PNPLA3: variants seen among roughly 807,000 people sequenced by gnomAD.
PNPLA3 encodes the protein 1-acylglycerol-3-phosphate O-acyltransferase PNPLA3.
Under a neutral mutation model 43.1 loss-of-function variants are expected in PNPLA3, and 42 were observed. The observed-to-expected ratio is 0.97, with a 90% CI of 0.76 to 1.26. The LOEUF is 1.26. Among genes scored for constraint, PNPLA3 ranks in the 50% most tolerant of loss-of-function variants. The probability of loss-of-function intolerance (pLI) is 0.00; values close to 1 mark genes in which losing one functional copy is unlikely to be tolerated. For synonymous variants in PNPLA3, 272 were observed against 253.6 expected (o/e 1.07, Z -0.69); for missense variants, 647 against 621.4 (o/e 1.04, Z -0.44).
At chr22:43,946,120 C>T (rs575255100) in intron 8 of PNPLA3, 34 bp from the exon 9 acceptor site, 20 of 1,594,370 alleles carry the variant, frequency 1.3e-5, no homozygotes, top group Middle Eastern at 1.7e-4. Flanking sequence ...GCAGCGGGAA[C>T]GGCCTCTAAG....
At chr22:43,936,840 G>A (rs1183307010) in intron 5 of PNPLA3, among the ~76,000 whole-genome samples, 1 of 152,110 alleles carries the variant, frequency 6.6e-6, no homozygotes, top group Non-Finnish European at 1.5e-5. Flanking sequence ...AAGCTAGCAG[G>A]AGCCAAGCTC....
In PNPLA3 at chr22:43,930,987, C is replaced by T. The variant is rs56968095; in HGVS notation, c.487-1891C>T. 7.2e-3 allele frequency among the ~76,000 whole-genome samples: 1,092 copies of T among 151,992 alleles called. 5 individuals are homozygous for T. The highest frequency in any genetic ancestry group is 9.9e-3 in the Admixed American group (152 of 15,286). On this transcript the variant is annotated intron_variant, in intron 3 of 8. Transcript: ENST00000216180. ...AAACATACGAAAAAAATTAGCTGGG[C>T]GTGGTGGCGGGCGCCTGTAGTCCCA...
chr22:43,935,414 A>G (rs1158593490), intron 5 of PNPLA3, among the ~76,000 whole-genome samples: 1 of 152,166 alleles, frequency 6.6e-6, no homozygotes, highest in East Asian at 1.9e-4. Flanking sequence ...AAGTAAGCAG[A>G]AGGGTGATGC....
Position 43,944,719 on chromosome 22 carries a change from G to A in PNPLA3, c.1141G>A (p.Asp381Asn), listed in dbSNP as rs779775038. The change falls in exon 8 of 9, where the codon GAC becomes AAC. Residue 381 changes from aspartate (D) to asparagine (N), a missense_variant. Transcript: ENST00000216180. ...GGTGACATGGCTTCCAGATATGCCC[G>A]ACGATGTCCTGTGGTTGCAGTGGGT... ...RLVTWLPDMP[D>N]DVLWLQWVTS... 5 of 1,614,188 alleles carry A rather than the reference G, an allele frequency of 3.1e-6. No homozygotes were observed. Among genetic ancestry groups the A allele is most frequent in the African/African-American group, 1.3e-5 (1 of 75,048 alleles).
intron 1 of PNPLA3, 191 bp downstream of exon 1, chr22:43,924,289 G>A: frequency 2.8e-6 from 2 of 709,072 alleles, no homozygotes; most frequent in Admixed American, 8.4e-5. Context: ...GCCCGGGAAG[G>A]GGGCGTTGGA....
intron 5 of PNPLA3, 76 bp from the exon 6 acceptor site, chr22:43,936,975 C>A: frequency 1.6e-6 from 2 of 1,221,474 alleles, no homozygotes; most frequent in Non-Finnish European, 2.4e-6. Flanking sequence ...TGCCTCCCTG[C>A]AGTTTGGTAG....
chr22:43,930,988 G>A (rs189676598), intron 3 of PNPLA3, among the ~76,000 whole-genome samples: 15 of 152,230 alleles, frequency 9.9e-5, no homozygotes, highest in Admixed American at 9.8e-4. Flanking sequence ...TTAGCTGGGC[G>A]TGGTGGCGGG....
chr22:43,930,681 G>A (rs967741128), intron 3 of PNPLA3, among the ~76,000 whole-genome samples: 19 of 152,326 alleles, frequency 1.2e-4, no homozygotes, highest in African/African-American at 4.3e-4. Flanking sequence ...ATTTGGCTGA[G>A]TTCAGTGAAT....
At chr22:43,940,335 G>A (rs562700324) in intron 7 of PNPLA3, among the ~76,000 whole-genome samples, 84 of 152,276 alleles carry the variant, frequency 5.5e-4, no homozygotes, top group African/African-American at 1.8e-3. Flanking sequence ...GAAACTCCCC[G>A]TGGGGACTCC....
At chr22:43,934,792 C>T in intron 5 of PNPLA3, 126 bp downstream of exon 5, 1 of 856,658 alleles carries the variant, frequency 1.2e-6, no homozygotes, top group Non-Finnish European at 1.9e-6. Context: ...TGTTGCTCAA[C>T]CTACTCATGA....
rs551051407 is a variant in PNPLA3, at chr22:43,934,016, G to T, written c.697-590G>T. Among the ~76,000 whole-genome samples the T allele has an allele frequency of 2.6e-5, 4 of 152,190 alleles. No homozygotes were observed. The South Asian group carries it at 8.3e-4, about 32-fold the overall frequency. On this transcript the variant is annotated intron_variant, in intron 4 of 8. Transcript: ENST00000216180. ...GGAGGCTTATTCCGGGACCAAGGGA[G>T]CCCAAAGAAACAAGCTCCTGCCAGG...
chr22:43,927,539 G>A (rs1481176463), intron 2 of PNPLA3, among the ~76,000 whole-genome samples: 1 of 151,838 alleles, frequency 6.6e-6, no homozygotes, highest in Non-Finnish European at 1.5e-5. Flanking sequence ...AACACAGGCA[G>A]TTGTAGGCCC....
Position 43,946,121 on chromosome 22 carries a change from G to A in PNPLA3, c.1218-33G>A, listed in dbSNP as rs56680842. On this transcript the variant is annotated intron_variant, in intron 8 of 8. Transcript: ENST00000216180. ...GACTGCACACTGCAGCAGCGGGAAC[G>A]GCCTCTAAGCCAACTTCCTCCATGT... 6.6e-5 allele frequency: 105 copies of A among 1,597,278 alleles called. No homozygotes were observed. In the African/African-American group the frequency reaches 1.2e-3, roughly 18 times the overall value.
In PNPLA3 at chr22:43,937,285, C is replaced by G. The variant is rs377093346; in HGVS notation, c.979+13C>G. 2 of 1,610,504 alleles carry G rather than the reference C, an allele frequency of 1.2e-6. No homozygotes were observed. Among genetic ancestry groups the G allele is most frequent in the Admixed American group, 1.7e-5 (1 of 59,926 alleles). On this transcript the variant is annotated intron_variant, in intron 6 of 8. Transcript: ENST00000216180. ...AGGCTCGCTACAGGTACCCACTCCTCGGGGTGAGCACGGGCAGCACCTTGT... is the reference window on the plus strand; with the variant it reads ...AGGCTCGCTACAGGTACCCACTCCTGGGGGTGAGCACGGGCAGCACCTTGT...
At chr22:43,941,347 G>T (rs1289378223) in intron 7 of PNPLA3, among the ~76,000 whole-genome samples, 2 of 151,220 alleles carry the variant, frequency 1.3e-5, no homozygotes, top group Admixed American at 6.6e-5. Flanking sequence ...TGGGGGGGAT[G>T]GGGGGTGGGG....
At chr22:43,937,495 G>A (rs904536522) in intron 6 of PNPLA3, among the ~76,000 whole-genome samples, 1 of 152,130 alleles carries the variant, frequency 6.6e-6, no homozygotes, top group South Asian at 2.1e-4. Flanking sequence ...TTCCCATGGG[G>A]TCATGACCAG....
At chr22:43,924,219 G>A in intron 1 of PNPLA3, 121 bp downstream of exon 1, 2 of 1,172,974 alleles carry the variant, frequency 1.7e-6, no homozygotes, top group Non-Finnish European at 1.1e-6. Context: ...CGGACACGGC[G>A]GGGTGCATCC....
In PNPLA3 at chr22:43,947,459, T is replaced by C. The variant is rs938374402; in HGVS notation, c.*1077T>C. 7 of 157,576 alleles carry C rather than the reference T, an allele frequency of 4.4e-5. No homozygotes were observed. The highest frequency in any genetic ancestry group is 1.2e-4 in the African/African-American group (5 of 41,566). 9.8% of individuals were successfully genotyped at this position (157,576 alleles called of 1,614,324 possible). A position where few individuals can be genotyped will look rare whatever the true frequency, so the allele number is the denominator to read the frequency against. On this transcript the variant is annotated 3_prime_UTR_variant, in exon 9 of 9. Transcript: ENST00000216180. ...GCACAGCAGGAGCTTCCGCCTCCTC[T>C]CCACTGGAGCACACAACTTGAACCT... is the stretch of plus-strand genomic sequence containing the variant.
At chr22:43,931,615 A>G (rs777870441) in intron 3 of PNPLA3, among the ~76,000 whole-genome samples, 32 of 152,104 alleles carry the variant, frequency 2.1e-4, no homozygotes, top group Non-Finnish European at 3.2e-4. Context: ...TCCTGGGTTT[A>G]AGCGATTCTC....
Sources: allele counts gnomAD v4.1 joint callset (sites outside exome capture counted in the v4.1 genomes callset), GRCh38; gene constraint gnomAD v4.1.1; transcripts MANE v1.5; gene names NCBI Gene and HGNC (gene_info 2026-07-23, HGNC 2026-07-21).